The following ARMC9 variants were observed in gnomAD, a reference collection of about 807,000 sequenced individuals.
ARMC9 encodes the protein armadillo repeat containing 9.
In ARMC9, 94 loss-of-function variants were observed where a neutral mutation model predicts 107.0. That is an observed-to-expected ratio of 0.88 (90% CI 0.74 to 1.04). The LOEUF (loss-of-function observed/expected upper bound fraction) is 1.04, where lower values mean the gene tolerates loss of function less well. ARMC9 is among the 50% of genes least tolerant of loss of function. ARMC9 has a pLI of 0.00. For synonymous variants in ARMC9, 380 were observed against 396.9 expected (o/e 0.96, Z 0.51); for missense variants, 942 against 1,030.1 (o/e 0.91, Z 1.17).
intron 16 of ARMC9, among the ~76,000 whole-genome samples, chr2:231,280,910 C>T (rs1364961675): frequency 6.6e-6 from 1 of 152,156 alleles, no homozygotes; most frequent in East Asian, 1.9e-4. Flanking sequence ...AAAATAAAAA[C>T]AACCGTAGGA....
intron 12 of ARMC9, among the ~76,000 whole-genome samples, chr2:231,269,510 C>T (rs972519887): frequency 1.3e-4 from 19 of 151,228 alleles, no homozygotes; most frequent in East Asian, 3.9e-4. Context: ...CTCAGCCTCC[C>T]GAGTAGCTGG....
intron 20 of ARMC9, among the ~76,000 whole-genome samples, chr2:231,337,921 TA>T (rs2044242798): frequency 6.6e-6 from 1 of 152,196 alleles, no homozygotes; most frequent in Admixed American, 6.5e-5. Context: ...CAACCAGAGG[TA>T]ATCACTATCT....
Position 231,358,983 on chromosome 2 carries a change from C to G in ARMC9, c.2132-1771C>G, listed in dbSNP as rs910602652. ...ATGCCCAGCCCTGTCTGAAATGGAC[C>G]AGCAGGCAAGAGATACTACTGTCCC... On this transcript the variant is annotated intron_variant, in intron 22 of 24. Coordinates refer to ENST00000611582, the MANE Select transcript of ARMC9 (RefSeq NM_001352754.2). The surrounding 1 kb of genome is among the most constrained non-coding windows in gnomAD (Gnocchi z 4.5). Among the ~76,000 whole-genome samples the G allele has an allele frequency of 6.6e-6, 1 of 151,988 alleles. No homozygotes were observed. Among genetic ancestry groups the G allele is most frequent in the Admixed American group, 6.6e-5 (1 of 15,260 alleles).
Position 231,373,283 on chromosome 2 carries a change from A to G in ARMC9, c.*1748A>G, listed in dbSNP as rs2046096636. 2 of 152,266 alleles carry G rather than the reference A, an allele frequency of 1.3e-5. No homozygotes were observed. Among genetic ancestry groups the G allele is most frequent in the Non-Finnish European group, 2.9e-5 (2 of 68,106 alleles). 9.4% of individuals were successfully genotyped at this position (152,266 alleles called of 1,614,324 possible). A position where few individuals can be genotyped will look rare whatever the true frequency, so the allele number is the denominator to read the frequency against. On this transcript the variant is annotated 3_prime_UTR_variant, in exon 25 of 25. Coordinates refer to ENST00000611582, the MANE Select transcript of ARMC9 (RefSeq NM_001352754.2). The surrounding 1 kb of genome is among the most constrained non-coding windows in gnomAD (Gnocchi z 4.4). ...CCGTGGTGAGACTTTGAAAAGGTGT[A>G]GAGTGGTTGCAGACAAACAGCAAAG...
intron 9 of ARMC9, among the ~76,000 whole-genome samples, chr2:231,249,157 C>T (rs1009487236): frequency 6.6e-6 from 1 of 152,184 alleles, no homozygotes; most frequent in Non-Finnish European, 1.5e-5. Context: ...CCCGCGCACC[C>T]CTGCCCCATC....
chr2:231,322,659 G>T (rs944153656), intron 19 of ARMC9, among the ~76,000 whole-genome samples: 3 of 152,176 alleles, frequency 2.0e-5, no homozygotes, highest in Non-Finnish European at 4.4e-5. Context: ...CCATGGGGAA[G>T]CTTCGCATTA....
intron 3 of ARMC9, 97 bp from the exon 4 acceptor site, chr2:231,214,734 A>G (rs1433914922): frequency 7.9e-7 from 1 of 1,260,652 alleles, no homozygotes. Context: ...TACCACTGAA[A>G]AGGAGTATAT....
intron 18 of ARMC9, 58 bp downstream of exon 18, chr2:231,291,501 A>G: frequency 1.3e-6 from 2 of 1,538,874 alleles, no homozygotes; most frequent in Non-Finnish European, 1.8e-6. Flanking sequence ...TTTGCCAGAA[A>G]GACACATGGC....
chr2:231,220,796 G>T (rs557982658), intron 5 of ARMC9, among the ~76,000 whole-genome samples: 27 of 152,262 alleles, frequency 1.8e-4, no homozygotes, highest in African/African-American at 6.5e-4. Context: ...CTTTATTTCA[G>T]TCTCATCCCT....
intron 1 of ARMC9, among the ~76,000 whole-genome samples, chr2:231,202,319 C>CTTTT (rs745728209): frequency 1.6e-5 from 2 of 123,868 alleles, no homozygotes; most frequent in Non-Finnish European, 3.5e-5. Flanking sequence ...TCTTGTTTCA[C>CTTTT]TTTTTTTTTT....
At chr2:231,292,778 G>A (rs938675589) in intron 18 of ARMC9, among the ~76,000 whole-genome samples, 1 of 152,260 alleles carries the variant, frequency 6.6e-6, no homozygotes, top group Non-Finnish European at 1.5e-5. Context: ...CACACGAGCA[G>A]AAAGTGAAGA....
intron 17 of ARMC9, among the ~76,000 whole-genome samples, chr2:231,284,805 C>G (rs951794734): frequency 1.3e-5 from 2 of 152,194 alleles, no homozygotes; most frequent in Non-Finnish European, 2.9e-5. Context: ...CCACACACTC[C>G]TAAGTAACTG....
intron 20 of ARMC9, among the ~76,000 whole-genome samples, chr2:231,337,786 C>T (rs1018998160): frequency 6.6e-6 from 1 of 152,160 alleles, no homozygotes; most frequent in African/African-American, 2.4e-5. Context: ...TCCCAAACCC[C>T]AAAATATCTT....
At chr2:231,299,024 C>G (rs2041557447) in intron 19 of ARMC9, among the ~76,000 whole-genome samples, 1 of 152,166 alleles carries the variant, frequency 6.6e-6, no homozygotes. Context: ...TCTGTGCGCT[C>G]ACAACTTCCA....
In ARMC9 at chr2:231,296,182, CT is replaced by C. The variant is rs777998375; in HGVS notation, c.1718-9del. 1.2e-6 allele frequency: 2 copies of C among 1,602,908 alleles called. No individual in the cohort carries two copies. Among genetic ancestry groups the C allele is most frequent in the South Asian group, 1.1e-5 (1 of 90,018 alleles). On this transcript the variant is annotated splice_polypyrimidine_tract_variant and intron_variant, in intron 18 of 24. Transcript: ENST00000611582. ...ACTGTTTATCCATTATTCATTGATT[CT>C]TTTTTTCTTTATAGAAGAGCTACCA...
In ARMC9 at chr2:231,360,658, C is replaced by T. The variant is rs543372120; in HGVS notation, c.2132-96C>T. The T allele has an allele frequency of 1.8e-5, 27 of 1,522,730 alleles. No homozygotes were observed. Among genetic ancestry groups the T allele is most frequent in the South Asian group, 1.2e-4 (10 of 83,654 alleles). 94.3% of individuals were successfully genotyped at this position (1,522,730 alleles called of 1,614,324 possible). Reference sequence around the variant, plus strand: ...AGCCCGCAGGGCCTGGCCTGGGGTGCGTGCTTTTCTTGGCTTTCCAACCCA... The same window carrying T: ...AGCCCGCAGGGCCTGGCCTGGGGTGTGTGCTTTTCTTGGCTTTCCAACCCA... On this transcript the variant is annotated intron_variant, in intron 22 of 24. Coordinates refer to ENST00000611582, the MANE Select transcript of ARMC9 (RefSeq NM_001352754.2). This position sits in a 1 kb window ranked among gnomAD's most constrained non-coding sequence, Gnocchi z 4.7.
chr2:231,296,905 T>C (rs1251512784), intron 19 of ARMC9, among the ~76,000 whole-genome samples: 1 of 152,224 alleles, frequency 6.6e-6, no homozygotes, highest in African/African-American at 2.4e-5. Flanking sequence ...TGTTGTCCCC[T>C]CTGGTCATCC....
chr2:231,376,655 C>T lies in ARMC9; in HGVS notation c.*5120C>T, dbSNP rs1052886876. 2.6e-4 allele frequency among the ~76,000 whole-genome samples: 40 copies of T among 152,284 alleles called. 3 individuals are homozygous for T. The highest frequency in any genetic ancestry group is 1.2e-4 in the African/African-American group (5 of 41,552). The stretch of plus-strand genomic sequence containing the variant: ...CCTTGGTCCTGTGGTCCTGTGATCT[C>T]GCCCTGCCTCCACTTGCCTTGTGAT... On this transcript the variant is annotated 3_prime_UTR_variant, in exon 25 of 25. Coordinates refer to ENST00000611582, the MANE Select transcript of ARMC9 (RefSeq NM_001352754.2).
chr2:231,204,428 G>A (rs527278249), intron 1 of ARMC9, among the ~76,000 whole-genome samples: 3 of 152,186 alleles, frequency 2.0e-5, no homozygotes, highest in East Asian at 1.9e-4. Flanking sequence ...CCAGATCCAG[G>A]TGCTCAATCT....
Sources: allele counts gnomAD v4.1 joint callset (sites outside exome capture counted in the v4.1 genomes callset), GRCh38; gene constraint gnomAD v4.1.1; non-coding constraint Gnocchi (gnomAD v3.1); transcripts MANE v1.5; gene names NCBI Gene and HGNC (gene_info 2026-07-23, HGNC 2026-07-21).